SOX5: variants seen among roughly 807,000 people sequenced by gnomAD.
SOX5 encodes the protein SRY-box transcription factor 5.
Under a neutral mutation model 92.0 loss-of-function variants are expected in SOX5, and 9 were observed. The observed-to-expected ratio is 0.10, with a 90% confidence interval of 0.06 to 0.17. The LOEUF (loss-of-function observed/expected upper bound fraction) is 0.17. SOX5 is among the 10% of genes least tolerant of loss of function. The pLI, the probability that SOX5 is intolerant of heterozygous loss-of-function variation, is 1.00. For missense variants in SOX5, 642 were observed against 944.5 expected, an observed-to-expected ratio of 0.68 and a Z score of 4.20; for synonymous variants, 344 against 336.3, an observed-to-expected ratio of 1.02 and a Z score of -0.25.
intron 4 of SOX5, among the ~76,000 whole-genome samples, chr12:23,972,985 C>A (rs77717250): frequency 0.013 from 2,036 of 152,186 alleles, 24 homozygotes; most frequent in Non-Finnish European, 0.023. Flanking sequence ...CTCCCTCCCC[C>A]CAAGCCTCAA....
intron 4 of SOX5, among the ~76,000 whole-genome samples, chr12:24,141,519 C>T (rs184983059): frequency 1.3e-5 from 2 of 152,176 alleles, no homozygotes; most frequent in Non-Finnish European, 2.9e-5. Flanking sequence ...GTGTAATCCA[C>T]CCCTTTTGCC....
At chr12:24,412,897 A>G (rs1964372165) in intron 1 of SOX5, among the ~76,000 whole-genome samples, 1 of 150,960 alleles carries the variant, frequency 6.6e-6, no homozygotes, top group African/African-American at 2.4e-5. Context: ...CTGGGACTAC[A>G]GGTGCCCACC....
At chr12:24,142,033 A>G (rs921503630) in intron 4 of SOX5, among the ~76,000 whole-genome samples, 3 of 151,980 alleles carry the variant, frequency 2.0e-5, no homozygotes, top group African/African-American at 7.3e-5. Flanking sequence ...TTACTTTCTT[A>G]TTTCCCCTTT....
Position 23,532,404 on chromosome 12 carries a change from G to A in SOX5, c.*1815C>T, listed in dbSNP as rs1939289878. 1 of 152,146 alleles carries A rather than the reference G, an allele frequency of 6.6e-6. No homozygotes were observed. Among genetic ancestry groups the A allele is most frequent in the Non-Finnish European group, 1.5e-5 (1 of 68,030 alleles). The allele number at this position is 152,146 out of a possible 1,614,324, so 9.4% of individuals were successfully genotyped here. A position where few individuals can be genotyped will look rare whatever the true frequency, so the allele number is the denominator to read the frequency against. On this transcript the variant is annotated 3_prime_UTR_variant, in exon 15 of 15. Transcript: ENST00000451604. The stretch of plus-strand genomic sequence containing the variant: ...TGGAGTGAAAACTATAGCACATCAA[G>A]CTACTAGTTGCAGTATTTACTATCT...
chr12:23,815,118 C>G (rs1482773744), intron 3 of SOX5, among the ~76,000 whole-genome samples: 1 of 152,190 alleles, frequency 6.6e-6, no homozygotes, highest in South Asian at 2.1e-4. Flanking sequence ...AAAGAAGTCA[C>G]TTTAGAGTTG....
chr12:24,175,771 G>T (rs763322450), intron 4 of SOX5, among the ~76,000 whole-genome samples: 1 of 152,138 alleles, frequency 6.6e-6, no homozygotes, highest in Non-Finnish European at 1.5e-5. Flanking sequence ...AGTATGGACT[G>T]TAAGATACAT....
At chr12:24,345,460 C>G (rs977436519) in intron 2 of SOX5, among the ~76,000 whole-genome samples, 2 of 152,162 alleles carry the variant, frequency 1.3e-5, no homozygotes, top group African/African-American at 4.8e-5. Context: ...ATCCAAGAAG[C>G]ACTTTCTTGC....
intron 2 of SOX5, among the ~76,000 whole-genome samples, chr12:23,893,349 G>A (rs1338279023): frequency 1.3e-5 from 2 of 152,058 alleles, no homozygotes; most frequent in East Asian, 1.9e-4. Context: ...GGGAGGCTGA[G>A]GCAGGAGAAC....
intron 3 of SOX5, among the ~76,000 whole-genome samples, chr12:24,215,140 C>T (rs1332133009): frequency 6.6e-6 from 1 of 152,038 alleles, no homozygotes; most frequent in African/African-American, 2.4e-5. Flanking sequence ...GAAAAATCTA[C>T]AACTATAATA....
At position 23,529,858 on chromosome 12, in the gene SOX5, T is replaced by A. The variant is rs1213318111; in HGVS notation, c.*4361A>T. ...GTTTTAAGCTCCAGGCATTTGATTG[T>A]CTCTTTTCTATTTTTTTTCCATTTT... On this transcript the variant is annotated 3_prime_UTR_variant, in exon 15 of 15. Coordinates refer to ENST00000451604, the MANE Select transcript of SOX5 (RefSeq NM_006940.6). 6.6e-6 allele frequency: 1 copy of A among 152,216 alleles called. No homozygotes were observed. Among genetic ancestry groups the A allele is most frequent in the Non-Finnish European group, 1.5e-5 (1 of 68,040 alleles). The allele number at this position is 152,216 out of a possible 1,614,324, so 9.4% of individuals were successfully genotyped here. A position where few individuals can be genotyped will look rare whatever the true frequency, so the allele number is the denominator to read the frequency against.
At chr12:23,638,421 A>G (rs1233579358) in intron 8 of SOX5, 1 of 152,224 alleles carries the variant, frequency 6.6e-6, no homozygotes, top group Non-Finnish European at 1.5e-5. Flanking sequence ...TCTACTCAAG[A>G]TATTAAGATA....
At chr12:24,010,546 G>C (rs1232042396) in intron 4 of SOX5, among the ~76,000 whole-genome samples, 1 of 152,124 alleles carries the variant, frequency 6.6e-6, no homozygotes, top group Non-Finnish European at 1.5e-5. Context: ...TCATAATCCA[G>C]GGCCAAGGAA....
At chr12:23,627,517 A>C (rs2077986801) in intron 8 of SOX5, among the ~76,000 whole-genome samples, 1 of 152,138 alleles carries the variant, frequency 6.6e-6, no homozygotes, top group East Asian at 1.9e-4. Flanking sequence ...TATACCCTTG[A>C]ATCTAGGAGA....
chr12:24,241,734 T>C (rs908631619), intron 3 of SOX5, among the ~76,000 whole-genome samples: 1 of 152,194 alleles, frequency 6.6e-6, no homozygotes, highest in Non-Finnish European at 1.5e-5. Flanking sequence ...ATCCCCAGCA[T>C]GCAGCTCTGG....
chr12:23,695,427 G>T (rs973666632), intron 6 of SOX5, among the ~76,000 whole-genome samples: 2 of 152,152 alleles, frequency 1.3e-5, no homozygotes, highest in African/African-American at 4.8e-5. Context: ...CAGGAGGATA[G>T]TTCTAAGTTC....
At chr12:23,682,948 C>CCCAT (rs2086868708) in intron 6 of SOX5, among the ~76,000 whole-genome samples, 2 of 151,804 alleles carry the variant, frequency 1.3e-5, no homozygotes, top group African/African-American at 4.8e-5. Context: ...CACCTGACTT[C>CCCAT]TTGAGCACTT....
chr12:23,811,108 T>C (rs2095868435), intron 3 of SOX5, among the ~76,000 whole-genome samples: 1 of 152,136 alleles, frequency 6.6e-6, no homozygotes, highest in South Asian at 2.1e-4. Flanking sequence ...GATTTCTGTA[T>C]TCTTATGAAC....
intron 8 of SOX5, among the ~76,000 whole-genome samples, chr12:23,626,199 C>A (rs2138251671): frequency 1.3e-5 from 2 of 151,626 alleles, no homozygotes; most frequent in African/African-American, 4.8e-5. Context: ...TCTTTAGAAG[C>A]CCTAAGGACC....
At chr12:23,599,887 G>T (rs1271065527) in intron 9 of SOX5, among the ~76,000 whole-genome samples, 1 of 152,060 alleles carries the variant, frequency 6.6e-6, no homozygotes, top group African/African-American at 2.4e-5. Context: ...TGTATCGAAA[G>T]ATCAATTACT....
Sources: gnomAD v4.1 joint callset for allele counts (sites outside exome capture counted in the v4.1 genomes callset) on GRCh38, gnomAD v4.1.1 for gene constraint, MANE v1.5 for transcripts, NCBI Gene and HGNC (gene_info 2026-07-23, HGNC 2026-07-21) for gene names.